The following RFX3 variants were observed in gnomAD, a reference collection of about 807,000 sequenced individuals.
RFX3 encodes the protein transcription factor RFX3.
RFX3 carries 14 observed loss-of-function variants against 98.6 expected under a neutral mutation model. That is an observed-to-expected ratio of 0.14 (90% confidence interval 0.09 to 0.22). The LOEUF is 0.22. RFX3 is among the 10% of genes least tolerant of loss of function. RFX3 has a pLI of 1.00. For missense variants in RFX3, 639 were observed against 926.9 expected (o/e 0.69, Z 4.03); for synonymous variants, 383 against 328.4 (o/e 1.17, Z -1.80).
intron 1 of RFX3, among the ~76,000 whole-genome samples, chr9:3,416,866 C>T (rs1414003925): frequency 6.6e-6 from 1 of 151,960 alleles, no homozygotes; most frequent in East Asian, 1.9e-4. Flanking sequence ...AATGGCAACA[C>T]AGTAGATTTA....
At chr9:3,290,615 T>C (rs1026133851) in intron 6 of RFX3, among the ~76,000 whole-genome samples, 6 of 152,168 alleles carry the variant, frequency 3.9e-5, no homozygotes, top group African/African-American at 1.4e-4. Context: ...CTCAAGGGAA[T>C]GAAAACTATT....
intron 1 of RFX3, among the ~76,000 whole-genome samples, chr9:3,479,634 C>T (rs912588513): frequency 2.0e-5 from 3 of 152,144 alleles, no homozygotes; most frequent in African/African-American, 4.8e-5. Flanking sequence ...CAGTCCTAAA[C>T]GGCCTCTCAA....
rs1345709018 is a variant in RFX3 at position 3,301,597 on chromosome 9, C to G, written c.498G>C (p.Leu166=). The G allele has an allele frequency of 6.2e-7, 1 of 1,601,924 alleles. No homozygotes were observed. The highest frequency in any genetic ancestry group is 2.2e-5 in the East Asian group (1 of 44,714). The change falls in exon 5 of 17, where the codon CTG becomes CTC. Residue 166 remains leucine (L), a synonymous_variant. Coordinates refer to ENST00000617270, the MANE Select transcript of RFX3 (RefSeq NM_001282116.2). The part of the protein sequence containing the change: ...PATIEMAIET[L]QKSDGLSTHR... ...GAGTGGACAGACCGTCAGACTTTTG[C>G]AGCGTCTCAATCGCCATTTCAATCT...
chr9:3,232,800 G>A (rs1586664253), intron 15 of RFX3, among the ~76,000 whole-genome samples: 1 of 128,284 alleles, frequency 7.8e-6, no homozygotes, highest in South Asian at 3.1e-4. Context: ...GAGAGAGAGA[G>A]AAATGGGATG....
chr9:3,232,198 T>C (rs191293991), intron 15 of RFX3, among the ~76,000 whole-genome samples: 1 of 152,344 alleles, frequency 6.6e-6, no homozygotes, highest in East Asian at 1.9e-4. Flanking sequence ...CTTACTGTTT[T>C]GTAATTTCTC....
At chr9:3,390,858 C>G (rs1270239179) in intron 2 of RFX3, among the ~76,000 whole-genome samples, 1 of 152,070 alleles carries the variant, frequency 6.6e-6, no homozygotes, top group Non-Finnish European at 1.5e-5. Context: ...TCATGTATGT[C>G]TTTATTACTA....
At position 3,504,193 on chromosome 9, in the gene RFX3, TTA is replaced by T. The variant is rs1307597484; in HGVS notation, c.-9+21552_-9+21553del. ...TATTATATATTATACATATTATATA[TTA>T]TATATATTATATATATTATATACTA... On this transcript the variant is annotated intron_variant, in intron 1 of 16. Coordinates refer to ENST00000617270, the MANE Select transcript of RFX3 (RefSeq NM_001282116.2). Among the ~76,000 whole-genome samples, 37 of 92,348 alleles carry T rather than the reference TTA, an allele frequency of 4.0e-4. 1 individual carries two copies. In the South Asian group the frequency reaches 8.8e-3, roughly 22 times the overall value. The allele number at this position is 92,348 out of a possible 152,430, so 60.6% of individuals were successfully genotyped here. A position where few individuals can be genotyped will look rare whatever the true frequency, so the allele number is the denominator to read the frequency against.
intron 4 of RFX3, among the ~76,000 whole-genome samples, chr9:3,308,716 C>T (rs1829617118): frequency 6.6e-6 from 1 of 152,112 alleles, no homozygotes; most frequent in Non-Finnish European, 1.5e-5. Flanking sequence ...GAAACCTATT[C>T]AGAGTAAATT....
intron 5 of RFX3, among the ~76,000 whole-genome samples, chr9:3,300,106 C>T (rs992124953): frequency 5.9e-5 from 9 of 151,306 alleles, no homozygotes; most frequent in African/African-American, 1.2e-4. Flanking sequence ...CATCACCCCC[C>T]GGACACACAC....
intron 1 of RFX3, among the ~76,000 whole-genome samples, chr9:3,472,432 T>C (rs1848857091): frequency 6.6e-6 from 1 of 152,182 alleles, no homozygotes. Context: ...AATACATATA[T>C]GTCACTAGCT....
chr9:3,293,656 A>G (rs939929494), intron 5 of RFX3, among the ~76,000 whole-genome samples: 2 of 152,186 alleles, frequency 1.3e-5, no homozygotes, highest in African/African-American at 4.8e-5. Flanking sequence ...GGTAAACAGT[A>G]TGTCTTTAGT....
chr9:3,232,039 C>T (rs200807934), intron 15 of RFX3, among the ~76,000 whole-genome samples: 1 of 5,122 alleles, frequency 2.0e-4, no homozygotes, highest in Non-Finnish European at 1.8e-3. Flanking sequence ...GTCTCAAAAA[C>T]AAGCAAGCAA....
chr9:3,520,663 G>A (rs1009948927), intron 1 of RFX3, among the ~76,000 whole-genome samples: 6 of 152,056 alleles, frequency 3.9e-5, no homozygotes, highest in South Asian at 2.1e-4. Flanking sequence ...CATGAAGTAC[G>A]GATTGCATTC....
chr9:3,493,645 C>T (rs1448383244), intron 1 of RFX3, among the ~76,000 whole-genome samples: 1 of 144,358 alleles, frequency 6.9e-6, no homozygotes, highest in Non-Finnish European at 1.5e-5. Flanking sequence ...GATGGCGCCA[C>T]TGCACTCCAG....
intron 4 of RFX3, among the ~76,000 whole-genome samples, chr9:3,310,772 C>T (rs1208139590): frequency 1.3e-5 from 2 of 152,104 alleles, no homozygotes; most frequent in Non-Finnish European, 2.9e-5. Flanking sequence ...CAAGATTTAT[C>T]ATGCTTAAAT....
intron 1 of RFX3, among the ~76,000 whole-genome samples, chr9:3,505,697 T>A (rs1230113357): frequency 1.3e-5 from 2 of 151,304 alleles, no homozygotes; most frequent in East Asian, 1.9e-4. Context: ...GTTCAAATGT[T>A]ACCTTATCTG....
intron 4 of RFX3, among the ~76,000 whole-genome samples, chr9:3,321,822 T>C (rs900703522): frequency 1.3e-5 from 2 of 152,102 alleles, no homozygotes; most frequent in Non-Finnish European, 2.9e-5. Context: ...GACTAATATA[T>C]GAACCAATCT....
intron 2 of RFX3, among the ~76,000 whole-genome samples, chr9:3,383,385 T>C (rs1318953880): frequency 6.6e-6 from 1 of 152,144 alleles, no homozygotes; most frequent in Non-Finnish European, 1.5e-5. Context: ...TGACATAAAG[T>C]AAATTATGTT....
rs1171978298 is a variant in RFX3, at chr9:3,277,392, T to A, written c.921A>T (p.Thr307=). 4 of 1,612,268 alleles carry A rather than the reference T, an allele frequency of 2.5e-6. No individual in the cohort carries two copies. Among genetic ancestry groups the A allele is most frequent in the Non-Finnish European group, 3.4e-6 (4 of 1,178,492 alleles). ...GFTGSGQQTG[T]SVEQTVIAQS... ...GGGCAATTACAGTTTGCTCAACAGA[T>A]GTGCCTGTCTGTTGACCACTTCCTG... The change falls in exon 8 of 17, where the codon ACA becomes ACT. Residue 307 remains threonine (T), a synonymous_variant. Transcript: ENST00000617270.
Sources: allele counts gnomAD v4.1 joint callset (sites outside exome capture counted in the v4.1 genomes callset), GRCh38; gene constraint gnomAD v4.1.1; transcripts MANE v1.5; gene names NCBI Gene and HGNC (gene_info 2026-07-23, HGNC 2026-07-21).